Variants in PRDM5 observed in about 807,000 individuals in gnomAD.
The protein encoded by PRDM5 is PR domain zinc finger protein 5.
A neutral mutation model predicts 81.2 loss-of-function variants in PRDM5; 56 were observed. The observed-to-expected ratio is 0.69, with a 90% CI of 0.56 to 0.86. The LOEUF (loss-of-function observed/expected upper bound fraction) is 0.86, where lower values mean the gene tolerates loss of function less well. PRDM5 is among the 40% of genes least tolerant of loss of function. PRDM5 has a pLI of 0.00. For synonymous variants in PRDM5, 267 were observed against 256.4 expected, an observed-to-expected ratio of 1.04 and a Z score of -0.39; for missense variants, 697 against 770.1, an observed-to-expected ratio of 0.91 and a Z score of 1.12.
rs1734151095 is a variant in PRDM5 at position 120,692,787 on chromosome 4, C to T, written c.*2324G>A. ...AGACATTTCAAAGTAGGTACCTGTA[C>T]TTCAGCTTGTCTGTAAGACTTTTCC... On this transcript the variant is annotated 3_prime_UTR_variant, in exon 16 of 16. Transcript: ENST00000264808. 6.6e-6 allele frequency: 1 copy of T among 152,060 alleles called. No individual in the cohort carries two copies. Among genetic ancestry groups the T allele is most frequent in the South Asian group, 2.1e-4 (1 of 4,818 alleles). The allele number at this position is 152,060 out of a possible 1,614,324, so 9.4% of individuals were successfully genotyped here.
At chr4:120,711,464 AT>A (rs5861485) in intron 14 of PRDM5, among the ~76,000 whole-genome samples, 80,428 of 133,936 alleles carry the variant, frequency 0.6, 23,296 homozygotes, top group East Asian at 0.75. Context: ...ATACCCAGCT[AT>A]TTTTTTTTTT....
chr4:120,888,573 T>G (rs894842421), intron 2 of PRDM5, among the ~76,000 whole-genome samples: 1 of 152,220 alleles, frequency 6.6e-6, no homozygotes, highest in Non-Finnish European at 1.5e-5. Flanking sequence ...TGCTGCTATG[T>G]AGGTTCTTGT....
intron 14 of PRDM5, among the ~76,000 whole-genome samples, chr4:120,748,111 G>T (rs2149133262): frequency 6.6e-6 from 1 of 152,310 alleles, no homozygotes; most frequent in Admixed American, 6.5e-5. Context: ...ATAATTTCCA[G>T]ATGATCCATA....
At chr4:120,802,456 C>G (rs1239747595) in intron 8 of PRDM5, among the ~76,000 whole-genome samples, 3 of 152,342 alleles carry the variant, frequency 2.0e-5, no homozygotes, top group East Asian at 3.9e-4. Context: ...AGGCATCCGC[C>G]AATAGGGGCA....
intron 3 of PRDM5, among the ~76,000 whole-genome samples, chr4:120,834,954 C>G (rs1489894728): frequency 6.6e-6 from 1 of 152,180 alleles, no homozygotes; most frequent in East Asian, 1.9e-4. Context: ...TACATGTGGG[C>G]TCTCCCAGTT....
intron 7 of PRDM5, chr4:120,812,863 C>A: frequency 1.8e-5 from 4 of 224,900 alleles, no homozygotes; most frequent in South Asian, 9.7e-5. Context: ...GAATTCAAAG[C>A]AAAATTAAAA....
intron 14 of PRDM5, among the ~76,000 whole-genome samples, chr4:120,723,210 C>A (rs923055830): frequency 2.0e-5 from 3 of 152,154 alleles, no homozygotes; most frequent in Non-Finnish European, 4.4e-5. Flanking sequence ...ACAACACAGT[C>A]TAAGAATCCT....
chr4:120,685,628 A>G (rs1433733556), intron 1 of PRDM5, among the ~76,000 whole-genome samples: 1 of 151,902 alleles, frequency 6.6e-6, no homozygotes, highest in African/African-American at 2.4e-5. Flanking sequence ...AGGCAATACC[A>G]CTTCTTGAAC....
chr4:120,711,223 G>T (rs547368966), intron 14 of PRDM5, among the ~76,000 whole-genome samples: 1 of 152,184 alleles, frequency 6.6e-6, no homozygotes, highest in Admixed American at 6.5e-5. Context: ...GGAATTCCTA[G>T]AAATAAAAAC....
At chr4:120,817,404 G>A (rs1007026335) in intron 5 of PRDM5, among the ~76,000 whole-genome samples, 1 of 152,208 alleles carries the variant, frequency 6.6e-6, no homozygotes, top group Middle Eastern at 3.4e-3. Flanking sequence ...ATGTAAAAAT[G>A]TAACATTAAA....
At chr4:120,760,844 T>G (rs1289660692) in intron 13 of PRDM5, among the ~76,000 whole-genome samples, 1 of 152,126 alleles carries the variant, frequency 6.6e-6, no homozygotes, top group Non-Finnish European at 1.5e-5. Context: ...CTCTTCAATT[T>G]TACTAGTGTG....
intron 6 of PRDM5, 66 bp downstream of exon 6, chr4:120,816,766 G>C: frequency 6.5e-7 from 1 of 1,530,238 alleles, no homozygotes; most frequent in Non-Finnish European, 9.1e-7. Flanking sequence ...TAAGAAGCAT[G>C]AAAGTATGCA....
chr4:120,738,834 C>G (rs966040648), intron 14 of PRDM5, among the ~76,000 whole-genome samples: 4 of 152,164 alleles, frequency 2.6e-5, no homozygotes, highest in African/African-American at 9.7e-5. Flanking sequence ...TTATCTATTA[C>G]TACATAATAA....
In PRDM5 at chr4:120,808,758, G is replaced by A. The variant is rs72921562; in HGVS notation, c.945+2612C>T. Reference sequence around the variant, plus strand: ...TGCAGGTCCCGTGCCCTCCCCTACAGGGAGGTAGCTAAGGCCCTGTGAGAA... The same window carrying A: ...TGCAGGTCCCGTGCCCTCCCCTACAAGGAGGTAGCTAAGGCCCTGTGAGAA... On this transcript the variant is annotated intron_variant, in intron 8 of 15. Coordinates refer to ENST00000264808, the MANE Select transcript of PRDM5 (RefSeq NM_018699.4). Among the ~76,000 whole-genome samples the A allele has an allele frequency of 4.3e-3, 650 of 152,312 alleles. 2 individuals are homozygous for A. The highest frequency in any genetic ancestry group is 0.015 in the African/African-American group (610 of 41,570).
intron 14 of PRDM5, among the ~76,000 whole-genome samples, chr4:120,723,404 G>A (rs1738906262): frequency 6.6e-6 from 1 of 152,152 alleles, no homozygotes; most frequent in Non-Finnish European, 1.5e-5. Context: ...GTGAAAGAGT[G>A]TTATTATTTA....
At chr4:120,725,361 TAC>T (rs1739247839) in intron 14 of PRDM5, among the ~76,000 whole-genome samples, 1 of 151,006 alleles carries the variant, frequency 6.6e-6, no homozygotes, top group Non-Finnish European at 1.5e-5. Context: ...CTGATGATGC[TAC>T]ACAGACTTCA....
chr4:120,751,229 A>C (rs1362980440), intron 14 of PRDM5, among the ~76,000 whole-genome samples: 1 of 152,160 alleles, frequency 6.6e-6, no homozygotes, highest in Admixed American at 6.5e-5. Context: ...TATTTTTAAA[A>C]ATCCAAGTGA....
downstream of PRDM5, among the ~76,000 whole-genome samples, chr4:120,691,538 TA>T (rs1457668121): frequency 6.6e-6 from 1 of 152,198 alleles, no homozygotes; most frequent in African/African-American, 2.4e-5. Flanking sequence ...TAACTTTTAT[TA>T]CCCTTAAATT....
chr4:120,857,335 G>C (rs1163058565), intron 2 of PRDM5, among the ~76,000 whole-genome samples: 2 of 152,144 alleles, frequency 1.3e-5, no homozygotes, highest in Non-Finnish European at 2.9e-5. Flanking sequence ...TCCAGCCTGG[G>C]AAACAGAGCA....
Sources: gnomAD v4.1 joint callset for allele counts (sites outside exome capture counted in the v4.1 genomes callset) on GRCh38, gnomAD v4.1.1 for gene constraint, MANE v1.5 for transcripts, NCBI Gene and HGNC (gene_info 2026-07-23, HGNC 2026-07-21) for gene names.